USP25: variants seen among roughly 807,000 people sequenced by gnomAD.
USP25 encodes the protein ubiquitin specific peptidase 25.
Under a neutral mutation model 158.5 loss-of-function variants are expected in USP25, and 85 were observed. The ratio of observed to expected loss-of-function variants is 0.54; its 90% confidence interval spans 0.45 to 0.64. The LOEUF (loss-of-function observed/expected upper bound fraction) is 0.64. Ranked by LOEUF, USP25 falls within the 30% of genes least tolerant of loss-of-function variation. The pLI is 0.00. For synonymous variants in USP25, 464 were observed against 460.4 expected (o/e 1.01, Z -0.10); for missense variants, 1,242 against 1,327.3 (o/e 0.94, Z 1.00).
chr21:15,846,226 A>G (rs2146464540), intron 18 of USP25, among the ~76,000 whole-genome samples: 1 of 128,430 alleles, frequency 7.8e-6, no homozygotes, highest in African/African-American at 3.0e-5. Flanking sequence ...GCAGTGGTGC[A>G]GTCTCAGCTC....
At chr21:15,857,210 C>T (rs989316354) in intron 20 of USP25, among the ~76,000 whole-genome samples, 1 of 152,198 alleles carries the variant, frequency 6.6e-6, no homozygotes, top group Non-Finnish European at 1.5e-5. Context: ...ACTCTTCAGG[C>T]AGTGTCTGTC....
At chr21:15,798,645 T>A (rs1275439409) in intron 5 of USP25, among the ~76,000 whole-genome samples, 1 of 151,336 alleles carries the variant, frequency 6.6e-6, no homozygotes, top group African/African-American at 2.4e-5. Flanking sequence ...ATTTGTTAAA[T>A]GAATGAATAG....
chr21:15,811,882 A>G lies in USP25; in HGVS notation c.931+672A>G, dbSNP rs193186359. 1.2e-3 allele frequency among the ~76,000 whole-genome samples: 189 copies of G among 152,252 alleles called. 1 individual carries two copies. The highest frequency in any genetic ancestry group is 2.1e-3 in the Non-Finnish European group (142 of 67,990). On this transcript the variant is annotated intron_variant, in intron 9 of 25. Transcript: ENST00000400183. The stretch of plus-strand genomic sequence containing the variant: ...TTTTCTCACATCACCCAATGCATCA[A>G]CTTTTGAAAGTTATCTTTTTCCAGA...
At chr21:15,809,249 G>T (rs979293762) in intron 8 of USP25, among the ~76,000 whole-genome samples, 1 of 152,096 alleles carries the variant, frequency 6.6e-6, no homozygotes, top group African/African-American at 2.4e-5. Context: ...GTGAGCAAGT[G>T]GCTCTGTTTT....
chr21:15,732,709 C>T (rs559048825), intron 1 of USP25, among the ~76,000 whole-genome samples: 115 of 152,156 alleles, frequency 7.6e-4, no homozygotes, highest in African/African-American at 2.7e-3. Context: ...ATATTATTTT[C>T]AAGATTTTTA....
chr21:15,746,298 T>C (rs537694675), intron 1 of USP25, among the ~76,000 whole-genome samples: 20 of 152,248 alleles, frequency 1.3e-4, no homozygotes, highest in Non-Finnish European at 1.8e-4. Flanking sequence ...CTTTACAGTA[T>C]TTTAGCCTTT....
intron 3 of USP25, among the ~76,000 whole-genome samples, chr21:15,768,754 G>A (rs1024886309): frequency 6.6e-6 from 1 of 152,140 alleles, no homozygotes; most frequent in South Asian, 2.1e-4. Context: ...GAAATACATT[G>A]TTATTTAAAG....
rs976822375 is a variant in USP25, at chr21:15,816,377, A to G, written c.932-2321A>G. Among the ~76,000 whole-genome samples the G allele has an allele frequency of 6.6e-6, 1 of 152,152 alleles. No homozygotes were observed. Among genetic ancestry groups the G allele is most frequent in the African/African-American group, 2.4e-5 (1 of 41,444 alleles). On this transcript the variant is annotated intron_variant, in intron 9 of 25. Coordinates refer to ENST00000400183, the MANE Select transcript of USP25 (RefSeq NM_001283041.3). This position sits in a 1 kb window ranked among gnomAD's most constrained non-coding sequence, Gnocchi z 4.0. ...TTTATCAGCAGCGTGATAATGGACT[A>G]ATACACTTTCCATATTGAATTCTTA...
chr21:15,741,080 T>C (rs1174724917), intron 1 of USP25, among the ~76,000 whole-genome samples: 1 of 152,174 alleles, frequency 6.6e-6, no homozygotes, highest in Non-Finnish European at 1.5e-5. Context: ...TTTTTATTAC[T>C]GTAGATCAGT....
In USP25 at chr21:15,822,960, T is replaced by C. The variant is rs556595923; in HGVS notation, c.1081-1079T>C. 2.6e-5 allele frequency among the ~76,000 whole-genome samples: 4 copies of C among 152,168 alleles called. No homozygotes were observed. In the South Asian group the frequency reaches 8.3e-4, roughly 32 times the overall value. ...ATTTTGAAAGAGAAATAGTATTGAATACCATTTGCTTTTATTTGCTGTAGA... is the reference window on the plus strand; with the variant it reads ...ATTTTGAAAGAGAAATAGTATTGAACACCATTTGCTTTTATTTGCTGTAGA... On this transcript the variant is annotated intron_variant, in intron 10 of 25. Transcript: ENST00000400183.
At chr21:15,776,644 C>A (rs2034672836) in intron 3 of USP25, among the ~76,000 whole-genome samples, 1 of 151,548 alleles carries the variant, frequency 6.6e-6, no homozygotes, top group East Asian at 1.9e-4. Flanking sequence ...CTAAAATACA[C>A]CAACCTGGGC....
chr21:15,784,243 T>A (rs1023939195), intron 4 of USP25, among the ~76,000 whole-genome samples: 2 of 152,174 alleles, frequency 1.3e-5, no homozygotes, highest in Non-Finnish European at 2.9e-5. Flanking sequence ...GTCAGAAATA[T>A]CAACAGCTAC....
intron 16 of USP25, 138 bp from the exon 17 acceptor site, chr21:15,833,210 A>T (rs1198544094): frequency 6.8e-6 from 5 of 735,118 alleles, no homozygotes; most frequent in Non-Finnish European, 1.1e-5. Flanking sequence ...GCTAAGCAAT[A>T]GTAATTCTTA....
In USP25 at chr21:15,777,880, G is replaced by A. The variant is rs752287571; in HGVS notation, c.269-24G>A. On this transcript the variant is annotated intron_variant, in intron 3 of 25. Coordinates refer to ENST00000400183, the MANE Select transcript of USP25 (RefSeq NM_001283041.3). ...TTCATTTTGTTTTACTTTTAATTTT[G>A]AGAAAGATAGTTTTGCTTTTCAGAT... 11 of 1,561,028 alleles carry A rather than the reference G, an allele frequency of 7.0e-6. No individual in the cohort carries two copies. The South Asian group carries it at 1.3e-4, about 19-fold the overall frequency.
At chr21:15,767,850 G>A (rs2823476) in intron 3 of USP25, among the ~76,000 whole-genome samples, 35,218 of 151,864 alleles carry the variant, frequency 0.23, 5,538 homozygotes, top group African/African-American at 0.45. Flanking sequence ...TTAGGATTAT[G>A]TGTGTCCTGC....
chr21:15,826,902 T>C lies in USP25; in HGVS notation c.1467-75T>C. ...TTTGAATTACAAGCCAATTTAATAC[T>C]GTGGGTTTGGCACGATCTTTGTCAA... On this transcript the variant is annotated intron_variant, in intron 13 of 25. Transcript: ENST00000400183. The surrounding 1 kb of genome is among the most constrained non-coding windows in gnomAD (Gnocchi z 4.8). 1.4e-6 allele frequency: 2 copies of C among 1,478,378 alleles called. No homozygotes were observed. The highest frequency in any genetic ancestry group is 1.9e-6 in the Non-Finnish European group (2 of 1,075,350). The allele number at this position is 1,478,378 out of a possible 1,614,324, so 91.6% of individuals were successfully genotyped here. A position where few individuals can be genotyped will look rare whatever the true frequency, so the allele number is the denominator to read the frequency against.
intron 6 of USP25, among the ~76,000 whole-genome samples, chr21:15,803,520 G>A (rs1278725673): frequency 4.6e-5 from 7 of 151,648 alleles, no homozygotes; most frequent in Non-Finnish European, 4.4e-5. Flanking sequence ...TCATCTCTGT[G>A]GATGAAGAAA....
At chr21:15,791,411 T>G in intron 4 of USP25, 91 bp from the exon 5 acceptor site, 1 of 1,288,384 alleles carries the variant, frequency 7.8e-7, no homozygotes, top group Non-Finnish European at 1.0e-6. Flanking sequence ...ATTATTGAAA[T>G]CTTATGTAAT....
At chr21:15,776,672 A>G (rs1055808765) in intron 3 of USP25, among the ~76,000 whole-genome samples, 21 of 151,842 alleles carry the variant, frequency 1.4e-4, no homozygotes, top group African/African-American at 2.4e-4. Flanking sequence ...AAAACCTTGT[A>G]TCTACAAAAA....
Sources: allele counts gnomAD v4.1 joint callset (sites outside exome capture counted in the v4.1 genomes callset), GRCh38; gene constraint gnomAD v4.1.1; non-coding constraint Gnocchi (gnomAD v3.1); transcripts MANE v1.5; gene names NCBI Gene and HGNC (gene_info 2026-07-23, HGNC 2026-07-21).